Variants in ACTR3C observed in about 807,000 individuals in gnomAD.
The protein encoded by ACTR3C is actin related protein 3C.
Under a neutral mutation model 26.3 loss-of-function variants are expected in ACTR3C, and 18 were observed. The ratio of observed to expected loss-of-function variants is 0.68; its 90% CI spans 0.47 to 1.01. The LOEUF is 1.01. ACTR3C is among the 50% of genes least tolerant of loss of function. The pLI is 0.00. For synonymous variants in ACTR3C, 55 were observed against 94.5 expected (o/e 0.58, Z 2.42); for missense variants, 184 against 250.7 (o/e 0.73, Z 1.80).
the ACTR3C span, among the ~76,000 whole-genome samples, chr7:150,064,046 A>G: frequency 4.0e-5 from 6 of 151,896 alleles, no homozygotes; most frequent in Non-Finnish European, 5.9e-5. Context: ...CCCATTTCCA[A>G]TCGTACTTCC....
chr7:149,918,542 T>A, the ACTR3C span, among the ~76,000 whole-genome samples: 3 of 152,082 alleles, frequency 2.0e-5, no homozygotes, highest in African/African-American at 7.2e-5. Flanking sequence ...AATACAAAAC[T>A]AGTCAGGTGC....
chr7:150,175,423 C>T, the ACTR3C span, among the ~76,000 whole-genome samples: 10 of 146,258 alleles, frequency 6.8e-5, 1 homozygote, highest in South Asian at 1.5e-3. Context: ...GTATTCACAG[C>T]TTCTTCATGA....
the ACTR3C span, among the ~76,000 whole-genome samples, chr7:150,202,421 G>C: frequency 3.9e-5 from 6 of 151,920 alleles, no homozygotes; most frequent in African/African-American, 1.5e-4. Context: ...TTACCCTAAA[G>C]TCAGGGATGA....
the ACTR3C span, among the ~76,000 whole-genome samples, chr7:150,038,238 A>T: frequency 2.4e-3 from 340 of 138,950 alleles, 23 homozygotes; most frequent in Admixed American, 4.1e-3. Context: ...CAAGGCCCTC[A>T]AATAGGGGGG....
the ACTR3C span, among the ~76,000 whole-genome samples, chr7:150,171,940 T>C: frequency 6.6e-6 from 1 of 150,566 alleles, no homozygotes; most frequent in Non-Finnish European, 1.5e-5. Flanking sequence ...GCCTTCTGAG[T>C]AGCTGGGACT....
the ACTR3C span, among the ~76,000 whole-genome samples, chr7:150,114,080 A>G: frequency 1.2e-4 from 18 of 152,202 alleles, 1 homozygote; most frequent in Admixed American, 1.0e-3. Flanking sequence ...TAAATTTTAC[A>G]TGTAATTTTT....
chr7:150,035,203 G>A, the ACTR3C span, among the ~76,000 whole-genome samples: 3 of 132,732 alleles, frequency 2.3e-5, no homozygotes, highest in Admixed American at 7.3e-5. Context: ...CCGCCTCACG[G>A]GGGGTGCCTC....
At chr7:150,169,053 A>T in the ACTR3C span, among the ~76,000 whole-genome samples, 4 of 150,412 alleles carry the variant, frequency 2.7e-5, no homozygotes, top group Non-Finnish European at 5.9e-5. Flanking sequence ...GGTCATGAAG[A>T]TGGGGCTCCC....
chr7:150,235,405 T>A, the ACTR3C span, among the ~76,000 whole-genome samples: 1 of 152,204 alleles, frequency 6.6e-6, no homozygotes, highest in South Asian at 2.1e-4. Flanking sequence ...TCTGGACACC[T>A]GCGAGTTCTG....
chr7:149,917,232 C>T, the ACTR3C span, among the ~76,000 whole-genome samples: 7 of 152,054 alleles, frequency 4.6e-5, no homozygotes, highest in African/African-American at 1.2e-4. Context: ...TGCGCCACTA[C>T]GCCCAGCTAA....
At chr7:149,906,432 T>G in the ACTR3C span, among the ~76,000 whole-genome samples, 6 of 78,690 alleles carry the variant, frequency 7.6e-5, no homozygotes, top group African/African-American at 1.2e-4. Flanking sequence ...TTTTTTTTTT[T>G]TTTTTTTTTT....
the ACTR3C span, among the ~76,000 whole-genome samples, chr7:150,163,384 ATGTGTG>A: frequency 6.7e-5 from 10 of 148,702 alleles, no homozygotes; most frequent in African/African-American, 2.5e-4. Flanking sequence ...ATATGTGTGT[ATGTGTG>A]TGTGTGTGTG....
chr7:150,165,224 T>C, the ACTR3C span, among the ~76,000 whole-genome samples: 1 of 152,184 alleles, frequency 6.6e-6, no homozygotes, highest in South Asian at 2.1e-4. Flanking sequence ...ATTTTGACTT[T>C]CCAAAGTTTG....
At chr7:150,138,029 G>A in the ACTR3C span, among the ~76,000 whole-genome samples, 7 of 152,180 alleles carry the variant, frequency 4.6e-5, no homozygotes, top group Admixed American at 1.3e-4. Flanking sequence ...AGCAAATACT[G>A]TGTTGGCTTC....
At chr7:150,276,879 C>G (rs1834929932) in intron 6 of ACTR3C, among the ~76,000 whole-genome samples, 1 of 152,176 alleles carries the variant, frequency 6.6e-6, no homozygotes, top group Non-Finnish European at 1.5e-5. Context: ...TTCTTGACTT[C>G]CGTGACAGTT....
chr7:150,220,403 G>A, the ACTR3C span, among the ~76,000 whole-genome samples: 1 of 145,650 alleles, frequency 6.9e-6, no homozygotes, highest in Non-Finnish European at 1.5e-5. Context: ...GAGACGCGAG[G>A]TGGGTCCTCC....
the ACTR3C span, among the ~76,000 whole-genome samples, chr7:150,108,190 A>G: frequency 6.6e-6 from 1 of 150,464 alleles, no homozygotes; most frequent in African/African-American, 2.5e-5. Flanking sequence ...GGCTATAGGA[A>G]GAAAAGGGCA....
intron 1 of ACTR3C, 163 bp downstream of exon 1, chr7:150,323,306 C>T: frequency 3.8e-6 from 1 of 260,802 alleles, no homozygotes; most frequent in South Asian, 3.2e-5. Context: ...ATCCCGGAAT[C>T]CAGAGCGCCC....
chr7:150,033,604 T>TC, the ACTR3C span, among the ~76,000 whole-genome samples: 4 of 150,510 alleles, frequency 2.7e-5, no homozygotes, highest in Non-Finnish European at 5.9e-5. Context: ...AGGAGGTGCC[T>TC]CCCCCCGCTG....
Sources: allele counts gnomAD v4.1 joint callset (sites outside exome capture counted in the v4.1 genomes callset), GRCh38; gene constraint gnomAD v4.1.1; transcripts MANE v1.5; gene names NCBI Gene and HGNC (gene_info 2026-07-23, HGNC 2026-07-21).